ZNF385B: variants seen among roughly 807,000 people sequenced by gnomAD.
The protein encoded by ZNF385B is zinc finger protein 533.
A neutral mutation model predicts 39.2 loss-of-function variants in ZNF385B; 23 were observed. The observed-to-expected ratio is 0.59, with a 90% CI of 0.42 to 0.83. ZNF385B has a LOEUF of 0.83. ZNF385B is among the 40% of genes least tolerant of loss of function. ZNF385B has a pLI of 0.00. For missense variants in ZNF385B, 552 were observed against 598.9 expected, an observed-to-expected ratio of 0.92 and a Z score of 0.82; for synonymous variants, 205 against 222.6, an observed-to-expected ratio of 0.92 and a Z score of 0.70.
At chr2:179,529,757 T>C (rs1213201879) in intron 4 of ZNF385B, among the ~76,000 whole-genome samples, 1 of 152,174 alleles carries the variant, frequency 6.6e-6, no homozygotes, top group Non-Finnish European at 1.5e-5. Context: ...CAGTGAGATA[T>C]ATTCATATTT....
chr2:179,860,062 T>A (rs905351293), intron 1 of ZNF385B, among the ~76,000 whole-genome samples: 1 of 152,206 alleles, frequency 6.6e-6, no homozygotes, highest in Non-Finnish European at 1.5e-5. Flanking sequence ...CTAGGCCCTA[T>A]AACAGAAATG....
rs73973721 is a variant in ZNF385B at position 179,747,285 on chromosome 2, C to T, written c.298+22218G>A. On this transcript the variant is annotated intron_variant, in intron 3 of 9. Coordinates refer to ENST00000410066, the MANE Select transcript of ZNF385B (RefSeq NM_152520.6). ...CCCCATATGGAAAGTTGACTCCTTA[C>T]GGGCTGCTGGTTAGATGCCCTTGCT... 5.5e-3 allele frequency among the ~76,000 whole-genome samples: 841 copies of T among 152,240 alleles called. 17 individuals are homozygous for T. Among genetic ancestry groups the T allele is most frequent in the African/African-American group, 0.019 (800 of 41,550 alleles).
intron 3 of ZNF385B, among the ~76,000 whole-genome samples, chr2:179,767,061 C>T (rs143150552): frequency 3.9e-5 from 6 of 152,234 alleles, no homozygotes; most frequent in African/African-American, 1.2e-4. Context: ...TGAGAACAGA[C>T]GACACAATCT....
chr2:179,659,625 C>T (rs978853296), intron 3 of ZNF385B, among the ~76,000 whole-genome samples: 2 of 151,948 alleles, frequency 1.3e-5, no homozygotes, highest in Admixed American at 6.6e-5. Flanking sequence ...AATTTTAAAA[C>T]TGACAATCTA....
chr2:179,834,816 A>G (rs1237289899), intron 1 of ZNF385B, among the ~76,000 whole-genome samples: 1 of 152,228 alleles, frequency 6.6e-6, no homozygotes, highest in African/African-American at 2.4e-5. Context: ...CAACAAACTA[A>G]CATCATAAGC....
intron 3 of ZNF385B, among the ~76,000 whole-genome samples, chr2:179,559,579 ATTTC>A (rs1407726451): frequency 1.3e-5 from 2 of 152,012 alleles, no homozygotes; most frequent in African/African-American, 4.8e-5. Flanking sequence ...CTTACATGAA[ATTTC>A]TTTTTCTTTA....
At chr2:179,710,164 T>A (rs1441664286) in intron 3 of ZNF385B, among the ~76,000 whole-genome samples, 2 of 152,126 alleles carry the variant, frequency 1.3e-5, no homozygotes, top group East Asian at 3.9e-4. Context: ...CAGCAGCTAC[T>A]TGTACCCTGG....
chr2:179,804,700 G>A (rs1160285326), intron 1 of ZNF385B, among the ~76,000 whole-genome samples: 1 of 152,176 alleles, frequency 6.6e-6, no homozygotes, highest in African/African-American at 2.4e-5. Flanking sequence ...GATGTGCTGG[G>A]CACACAGTGA....
At chr2:179,684,874 T>G (rs985992654) in intron 3 of ZNF385B, among the ~76,000 whole-genome samples, 1 of 152,220 alleles carries the variant, frequency 6.6e-6, no homozygotes, top group African/African-American at 2.4e-5. Flanking sequence ...AGCTAAAATT[T>G]TAGGCACTTT....
intron 6 of ZNF385B, among the ~76,000 whole-genome samples, chr2:179,463,739 A>T (rs144964483): frequency 0.033 from 5,042 of 152,158 alleles, 282 homozygotes; most frequent in African/African-American, 0.12. Flanking sequence ...CATTTTCTTT[A>T]TCCAGTCTAA....
At chr2:179,504,770 G>A (rs865884789) in intron 5 of ZNF385B, among the ~76,000 whole-genome samples, 23 of 151,118 alleles carry the variant, frequency 1.5e-4, no homozygotes, top group Non-Finnish European at 2.4e-4. Context: ...TAACAAACCC[G>A]CACGTTGTGC....
chr2:179,851,894 C>A lies in ZNF385B; in HGVS notation c.-155+9207G>T, dbSNP rs1482645234. Among the ~76,000 whole-genome samples the A allele has an allele frequency of 2.0e-5, 3 of 152,152 alleles. 1 individual carries two copies. The South Asian group carries it at 6.2e-4, about 32-fold the overall frequency. ...ATGTGATTTCAAGAATCAAATTTTC[C>A]TAAAGATCAGACTACCTTTGACCCA... is the stretch of plus-strand genomic sequence containing the variant. On this transcript the variant is annotated intron_variant, in intron 1 of 9. Coordinates refer to ENST00000410066, the MANE Select transcript of ZNF385B (RefSeq NM_152520.6).
chr2:179,595,624 C>CT (rs71029821), intron 3 of ZNF385B, among the ~76,000 whole-genome samples: 15,774 of 145,558 alleles, frequency 0.11, 998 homozygotes, highest in Middle Eastern at 0.21. Context: ...CCCAGATATT[C>CT]TTTTTTTTTT....
chr2:179,684,343 C>T (rs1041155670), intron 3 of ZNF385B, among the ~76,000 whole-genome samples: 5 of 152,064 alleles, frequency 3.3e-5, no homozygotes, highest in African/African-American at 1.2e-4. Flanking sequence ...TAAACAATTA[C>T]ATCTTCATTC....
chr2:179,702,132 C>A (rs561408469), intron 3 of ZNF385B, among the ~76,000 whole-genome samples: 3 of 152,062 alleles, frequency 2.0e-5, no homozygotes, highest in African/African-American at 7.2e-5. Flanking sequence ...TGCACATGTA[C>A]CCTAAAACTT....
intron 3 of ZNF385B, among the ~76,000 whole-genome samples, chr2:179,749,147 A>G (rs1305715502): frequency 6.6e-6 from 1 of 152,070 alleles, no homozygotes. Context: ...TTACTATCCT[A>G]TAAGATGAGT....
chr2:179,664,836 T>A (rs1281471514), intron 3 of ZNF385B, among the ~76,000 whole-genome samples: 1 of 152,174 alleles, frequency 6.6e-6, no homozygotes, highest in African/African-American at 2.4e-5. Flanking sequence ...TGGAAGGAAG[T>A]ACTCCAAAAT....
intron 3 of ZNF385B, among the ~76,000 whole-genome samples, chr2:179,711,018 A>C (rs912520100): frequency 6.6e-6 from 1 of 152,126 alleles, no homozygotes; most frequent in African/African-American, 2.4e-5. Flanking sequence ...TGTTACCCCC[A>C]CTGTGGGGTA....
chr2:179,701,099 G>T (rs1028498512), intron 3 of ZNF385B, among the ~76,000 whole-genome samples: 2 of 152,100 alleles, frequency 1.3e-5, no homozygotes, highest in Non-Finnish European at 2.9e-5. Context: ...ACTAAAAATC[G>T]TTACAATACA....
Sources: allele counts gnomAD v4.1 joint callset (sites outside exome capture counted in the v4.1 genomes callset), GRCh38; gene constraint gnomAD v4.1.1; transcripts MANE v1.5; gene names NCBI Gene and HGNC (gene_info 2026-07-23, HGNC 2026-07-21).